The following KLHL6 variants were observed in gnomAD, a reference collection of about 807,000 sequenced individuals.
KLHL6 encodes the protein kelch like family member 6, also known as kelch-like protein 6.
In KLHL6, 41 loss-of-function variants were observed where a neutral mutation model predicts 58.6. That is an observed-to-expected ratio of 0.70 (90% CI 0.55 to 0.91). KLHL6 has a LOEUF of 0.91. Ranked by LOEUF, KLHL6 falls within the 40% of genes least tolerant of loss-of-function variation. The pLI is 0.00. For synonymous variants in KLHL6, 338 were observed against 322.7 expected (o/e 1.05, Z -0.51); for missense variants, 714 against 805.6 (o/e 0.89, Z 1.38).
At chr3:183,509,037 A>G (rs1718104806) in intron 2 of KLHL6, among the ~76,000 whole-genome samples, 1 of 152,236 alleles carries the variant, frequency 6.6e-6, no homozygotes, top group Non-Finnish European at 1.5e-5. Flanking sequence ...AGCAAAATCC[A>G]GATTGTGGAA....
chr3:183,530,468 C>G (rs1210984493), intron 1 of KLHL6, among the ~76,000 whole-genome samples: 1 of 152,166 alleles, frequency 6.6e-6, no homozygotes, highest in African/African-American at 2.4e-5. Flanking sequence ...GGATATTTAG[C>G]TGCGGATACG....
At chr3:183,534,092 T>TTTAAAGTACTTTAAAAGTACTTTACTA (rs1712259569) in intron 1 of KLHL6, among the ~76,000 whole-genome samples, 2 of 130,922 alleles carry the variant, frequency 1.5e-5, no homozygotes, top group Admixed American at 7.5e-5. Flanking sequence ...GTACTTTACT[T>TTTAAAGTACTTTAAAAGTACTTTACTA]TTAAAGTACT....
At chr3:183,520,660 T>G (rs1340539182) in intron 2 of KLHL6, 1 of 152,006 alleles carries the variant, frequency 6.6e-6, no homozygotes, top group Non-Finnish European at 1.5e-5. Context: ...GGAAAGGTGC[T>G]GTGCCTTGAT....
rs139518184 is a variant in KLHL6, at chr3:183,523,640, A to T, written c.459+4205T>A. ...GACCTCACATCTTCTTGCTGCCTGC[A>T]GATAAGCTCCCAATCCCTTACTCTT... On this transcript the variant is annotated intron_variant, in intron 2 of 6. Coordinates refer to ENST00000341319, the MANE Select transcript of KLHL6 (RefSeq NM_130446.4). Among the ~76,000 whole-genome samples the T allele has an allele frequency of 6.8e-4, 103 of 152,304 alleles. 1 individual carries two copies. The East Asian group carries it at 0.019, about 28-fold the overall frequency.
chr3:183,526,867 G>A lies in KLHL6; in HGVS notation c.459+978C>T, dbSNP rs11916856. On this transcript the variant is annotated intron_variant, in intron 2 of 6. Transcript: ENST00000341319. ...TAATCCCAGCACTTTGGGAGGCTGA[G>A]GCAGATGGATCACTTGAGGTCAGGA... Among the ~76,000 whole-genome samples, 842 of 152,284 alleles carry A rather than the reference G, an allele frequency of 5.5e-3. 6 individuals carry two copies. Among genetic ancestry groups the A allele is most frequent in the African/African-American group, 0.019 (788 of 41,548 alleles).
rs151143665 is a variant in KLHL6 at position 183,508,117 on chromosome 3, C to G, written c.851G>C (p.Cys284Ser). 89 of 1,614,164 alleles carry G rather than the reference C, an allele frequency of 5.5e-5. No homozygotes were observed. In the African/African-American group the frequency reaches 1.0e-3, roughly 19 times the overall value. ...CTGGAGCAGCGGGAAGACCTCTGGGCACTGCCTGATGAGAGGATCTGCTTC... is the reference window on the plus strand; with the variant it reads ...CTGGAGCAGCGGGAAGACCTCTGGGGACTGCCTGATGAGAGGATCTGCTTC... Reference protein sequence around the residue: ...TVEADPLIRQCPEVFPLLQEA... With the variant: ...TVEADPLIRQSPEVFPLLQEA... The change falls in exon 3 of 7, where the codon TGC (cysteine) becomes TCC (serine). Residue 284 changes from cysteine to serine, a missense_variant. By Grantham distance (112) the Cys-to-Ser change is moderately radical. This residue lies in a region of KLHL6 where 510 missense variants were observed against 629.7 expected (regional missense o/e 0.81). Coordinates refer to ENST00000341319, the MANE Select transcript of KLHL6 (RefSeq NM_130446.4).
At chr3:183,503,845 T>C (rs1015133380) in intron 3 of KLHL6, among the ~76,000 whole-genome samples, 1 of 151,974 alleles carries the variant, frequency 6.6e-6, no homozygotes, top group Non-Finnish European at 1.5e-5. Context: ...GGGTTAAAGT[T>C]TGGTAAATGA....
At chr3:183,531,875 T>A (rs2108687426) in intron 1 of KLHL6, among the ~76,000 whole-genome samples, 1 of 152,372 alleles carries the variant, frequency 6.6e-6, no homozygotes, top group Non-Finnish European at 1.5e-5. Flanking sequence ...TGCTTTAGGA[T>A]GAATTATACA....
chr3:183,494,342 A>G (rs1405461875), intron 4 of KLHL6, 61 bp from the exon 5 acceptor site: 1 of 1,405,382 alleles, frequency 7.1e-7, no homozygotes, highest in Non-Finnish European at 1.0e-6. Flanking sequence ...AGCTTCTCCC[A>G]TAATATCCCA....
At chr3:183,504,797 G>A (rs1016086249) in intron 3 of KLHL6, among the ~76,000 whole-genome samples, 3 of 152,128 alleles carry the variant, frequency 2.0e-5, no homozygotes, top group African/African-American at 7.2e-5. Context: ...TCATCCGTAT[G>A]ATGAAATCAT....
intron 5 of KLHL6, chr3:183,493,704 C>A: frequency 4.2e-6 from 1 of 236,528 alleles, no homozygotes; most frequent in South Asian, 7.1e-5. Flanking sequence ...TAAAGTGATC[C>A]GCATGTGTCC....
intron 3 of KLHL6, 134 bp downstream of exon 3, chr3:183,507,925 C>G (rs1352984506): frequency 1.2e-5 from 9 of 733,410 alleles, no homozygotes; most frequent in Non-Finnish European, 1.8e-5. Context: ...CTGACCGACT[C>G]AGCAATGAAC....
chr3:183,525,934 A>T (rs969811267), intron 2 of KLHL6, among the ~76,000 whole-genome samples: 3 of 152,268 alleles, frequency 2.0e-5, no homozygotes, highest in Non-Finnish European at 4.4e-5. Flanking sequence ...ACAGCAGGAC[A>T]CTGCAAACAG....
At chr3:183,552,048 A>T (rs1479782749) in intron 1 of KLHL6, 1 of 152,214 alleles carries the variant, frequency 6.6e-6, no homozygotes, top group Non-Finnish European at 1.5e-5. Context: ...TTTCTCATTT[A>T]TCAGATTGGT....
chr3:183,552,925 A>G (rs2108702908), intron 1 of KLHL6, among the ~76,000 whole-genome samples: 1 of 152,106 alleles, frequency 6.6e-6, no homozygotes, highest in Middle Eastern at 3.4e-3. Flanking sequence ...CACCGTCGGT[A>G]GGCTGGGGAT....
At chr3:183,532,927 G>A (rs917818098) in intron 1 of KLHL6, among the ~76,000 whole-genome samples, 4 of 152,192 alleles carry the variant, frequency 2.6e-5, no homozygotes, top group African/African-American at 7.2e-5. Context: ...TCAAGTATCA[G>A]ATGAACCCAT....
intron 3 of KLHL6, among the ~76,000 whole-genome samples, chr3:183,501,989 T>G (rs1717877423): frequency 6.6e-6 from 1 of 152,022 alleles, no homozygotes; most frequent in South Asian, 2.1e-4. Context: ...TCTATAAACA[T>G]TGATTAAATG....
In KLHL6 at chr3:183,487,755, A is replaced by C. The variant is rs1717441051; in HGVS notation, c.*4172T>G. On this transcript the variant is annotated 3_prime_UTR_variant, in exon 7 of 7. Transcript: ENST00000341319. ...TGTCAAAACTGGTTTTGCAGTAGCC[A>C]GATTTGAGATATATGTGGATTTCTA... The C allele has an allele frequency of 6.6e-6, 1 of 152,202 alleles. No individual in the cohort carries two copies. Among genetic ancestry groups the C allele is most frequent in the Non-Finnish European group, 1.5e-5 (1 of 68,036 alleles). 9.4% of individuals were successfully genotyped at this position (152,202 alleles called of 1,614,324 possible). A position where few individuals can be genotyped will look rare whatever the true frequency, so the allele number is the denominator to read the frequency against.
rs767556218 is a variant in KLHL6 at position 183,491,931 on chromosome 3, A to T, written c.1862T>A (p.Val621Asp). 1 of 1,485,242 alleles carries T rather than the reference A, an allele frequency of 6.7e-7. No homozygotes were observed. Among genetic ancestry groups the T allele is most frequent in the East Asian group, 2.5e-5 (1 of 40,732 alleles). 92.0% of individuals were successfully genotyped at this position (1,485,242 alleles called of 1,614,324 possible). ...CTCCAGCTCCCCATCCTGCCGTCAGACAGACACTGCTCCGGGCACGATCCT... is the reference window on the plus strand; with the variant it reads ...CTCCAGCTCCCCATCCTGCCGTCAGTCAGACACTGCTCCGGGCACGATCCT... ...IRRIVPGAVS[V>D] is the part of the protein sequence containing the mutation. The change falls in exon 7 of 7, where the codon GTC becomes GAC. Residue 621 changes from valine (V) to aspartate (D), a missense_variant. By Grantham distance (152) the Val-to-Asp change is radical. Around this residue, in one of 2 missense-constraint regions of KLHL6, gnomAD observed 510 missense variants for 629.7 expected, o/e 0.81. Coordinates refer to ENST00000341319, the MANE Select transcript of KLHL6 (RefSeq NM_130446.4).
Sources: gnomAD v4.1 joint callset for allele counts (sites outside exome capture counted in the v4.1 genomes callset) on GRCh38, gnomAD v4.1.1 for gene constraint, gnomAD v4.1.1 regional missense constraint, MANE v1.5 for transcripts, NCBI Gene and HGNC (gene_info 2026-07-23, HGNC 2026-07-21) for gene names.